The following ALCAM variants were observed in gnomAD, a reference collection of about 807,000 sequenced individuals.
The protein encoded by ALCAM is activated leukocyte cell adhesion molecule, also known as CD166 antigen.
ALCAM carries 30 observed loss-of-function variants against 70.9 expected under a neutral mutation model. The observed-to-expected ratio is 0.42, with a 90% CI of 0.32 to 0.57. The LOEUF is 0.57. Ranked by LOEUF, ALCAM falls within the 20% of genes least tolerant of loss-of-function variation. The pLI is 0.11. For missense variants in ALCAM, 591 were observed against 695.1 expected (o/e 0.85, Z 1.68); for synonymous variants, 249 against 242.5 (o/e 1.03, Z -0.25).
chr3:105,550,523 G>A (rs1576236960), intron 12 of ALCAM, among the ~76,000 whole-genome samples: 2 of 151,374 alleles, frequency 1.3e-5, no homozygotes, highest in African/African-American at 4.8e-5. Context: ...AAGCAACAGA[G>A]AATAAAAAAT....
intron 11 of ALCAM, 79 bp downstream of exon 11, chr3:105,547,602 G>T: frequency 6.6e-7 from 1 of 1,524,516 alleles, no homozygotes; most frequent in Non-Finnish European, 8.8e-7. Context: ...CCTATAGGTT[G>T]GTTTGTTACC....
chr3:105,387,929 C>CT (rs1207038709), intron 1 of ALCAM, among the ~76,000 whole-genome samples: 1 of 151,498 alleles, frequency 6.6e-6, no homozygotes, highest in Non-Finnish European at 1.5e-5. Context: ...TGCATTATCT[C>CT]TTTTTTTAAT....
At chr3:105,519,897 G>A (rs984188430) in intron 1 of ALCAM, among the ~76,000 whole-genome samples, 170 bp from the exon 2 acceptor site, 3 of 152,066 alleles carry the variant, frequency 2.0e-5, no homozygotes, top group African/African-American at 7.2e-5. Context: ...ATTTTTAAAT[G>A]GAAAATATAT....
chr3:105,496,837 TGTGTGTGTGTGTGTGTGTGCATGC>T (rs1029625395), intron 1 of ALCAM, among the ~76,000 whole-genome samples: 1 of 151,530 alleles, frequency 6.6e-6, no homozygotes, highest in Non-Finnish European at 1.5e-5. Flanking sequence ...GGTGTGTGTG[TGTGTGTGTGTGTGTGTGTGCATGC>T]GTGTGTGTGT....
At chr3:105,434,564 A>G (rs1000286583) in intron 1 of ALCAM, among the ~76,000 whole-genome samples, 22 of 152,016 alleles carry the variant, frequency 1.4e-4, no homozygotes, top group African/African-American at 5.1e-4. Context: ...ATATATATAA[A>G]TGTATTCTAC....
chr3:105,380,494 C>T (rs1055703447), intron 1 of ALCAM, among the ~76,000 whole-genome samples: 1 of 151,762 alleles, frequency 6.6e-6, no homozygotes, highest in Non-Finnish European at 1.5e-5. Flanking sequence ...GTGATTTCTT[C>T]ACAGCTCAAA....
intron 1 of ALCAM, among the ~76,000 whole-genome samples, chr3:105,493,866 C>G (rs1938657512): frequency 6.6e-6 from 1 of 152,104 alleles, no homozygotes; most frequent in South Asian, 2.1e-4. Context: ...TTTATATTAG[C>G]TTATTTTTGG....
At chr3:105,524,778 TA>T in intron 3 of ALCAM, 1 of 1,175,706 alleles carries the variant, frequency 8.5e-7, no homozygotes, top group South Asian at 2.9e-5. Flanking sequence ...GAAGTACTAC[TA>T]CTGATAACTA....
intron 15 of ALCAM, among the ~76,000 whole-genome samples, chr3:105,572,584 T>C (rs893596920): frequency 6.6e-6 from 1 of 152,202 alleles, no homozygotes; most frequent in Non-Finnish European, 1.5e-5. Context: ...TTTATAATTC[T>C]TTGGCTATAT....
chr3:105,474,417 A>AT (rs1286734146), intron 1 of ALCAM, among the ~76,000 whole-genome samples: 1 of 151,684 alleles, frequency 6.6e-6, no homozygotes, highest in Admixed American at 6.6e-5. Context: ...ATGAGAATAT[A>AT]TTTTTTCTGG....
At chr3:105,504,335 A>G (rs1939005007) in intron 1 of ALCAM, among the ~76,000 whole-genome samples, 1 of 152,220 alleles carries the variant, frequency 6.6e-6, no homozygotes, top group Admixed American at 6.5e-5. Context: ...CTACGTTGTC[A>G]CAAGGACAGA....
intron 1 of ALCAM, among the ~76,000 whole-genome samples, chr3:105,503,083 GTT>G (rs1193748633): frequency 2.0e-5 from 3 of 152,178 alleles, no homozygotes; most frequent in Admixed American, 2.0e-4. Context: ...CCAGCTTTGG[GTT>G]TTTCTCTTTC....
rs756467823 is a variant in ALCAM, at chr3:105,531,967, A to G, written c.395-35A>G. 1.1e-5 allele frequency: 18 copies of G among 1,566,552 alleles called. No homozygotes were observed. In the Admixed American group the frequency reaches 2.3e-4, roughly 20 times the overall value. On this transcript the variant is annotated intron_variant, in intron 3 of 15. Coordinates refer to ENST00000306107, the MANE Select transcript of ALCAM (RefSeq NM_001627.4). ...ATCACAGAAGTCCCGTTTTTCTTAC[A>G]TATGTACTTAAAATCTTTCTCTGCT... is the stretch of plus-strand genomic sequence containing the variant.
At chr3:105,474,951 CA>C (rs1169452989) in intron 1 of ALCAM, among the ~76,000 whole-genome samples, 2 of 150,322 alleles carry the variant, frequency 1.3e-5, no homozygotes, top group African/African-American at 4.9e-5. Flanking sequence ...AAACAAACAA[CA>C]AAAAAAATCA....
At chr3:105,397,192 G>C (rs1260395158) in intron 1 of ALCAM, among the ~76,000 whole-genome samples, 1 of 151,976 alleles carries the variant, frequency 6.6e-6, no homozygotes, top group African/African-American at 2.4e-5. Context: ...CTTGGCATTT[G>C]TTCCCTTATC....
intron 1 of ALCAM, among the ~76,000 whole-genome samples, chr3:105,480,956 T>A (rs374185375): frequency 1.3e-5 from 2 of 152,162 alleles, no homozygotes; most frequent in East Asian, 3.9e-4. Flanking sequence ...GTTGTCTGAT[T>A]GATGAGATTC....
At chr3:105,562,518 A>G (rs140004999) in intron 14 of ALCAM, among the ~76,000 whole-genome samples, 14 of 152,258 alleles carry the variant, frequency 9.2e-5, no homozygotes, top group African/African-American at 3.4e-4. Flanking sequence ...ATTTTTATAT[A>G]TTGATGGATA....
At chr3:105,474,700 A>AT (rs1266204949) in intron 1 of ALCAM, among the ~76,000 whole-genome samples, 1 of 151,804 alleles carries the variant, frequency 6.6e-6, no homozygotes, top group African/African-American at 2.4e-5. Flanking sequence ...AGTGAGATCC[A>AT]TCTACTACTT....
At chr3:105,437,532 A>G (rs1246540423) in intron 1 of ALCAM, among the ~76,000 whole-genome samples, 2 of 152,086 alleles carry the variant, frequency 1.3e-5, no homozygotes, top group Non-Finnish European at 2.9e-5. Context: ...ATGCATAAAG[A>G]TATTCTGATT....
Sources: allele counts gnomAD v4.1 joint callset (sites outside exome capture counted in the v4.1 genomes callset), GRCh38; gene constraint gnomAD v4.1.1; transcripts MANE v1.5; gene names NCBI Gene and HGNC (gene_info 2026-07-23, HGNC 2026-07-21).